Variants in CFAP299 observed in about 807,000 individuals in gnomAD.
CFAP299 encodes the protein cilia and flagella associated protein 299, also known as cilia- and flagella-associated protein 299.
CFAP299 carries 21 observed loss-of-function variants against 27.0 expected under a neutral mutation model. The observed-to-expected ratio is 0.78, with a 90% CI of 0.55 to 1.12. The LOEUF is 1.12. CFAP299 is among the 50% of genes most tolerant of loss of function. CFAP299 has a pLI of 0.00. For synonymous variants in CFAP299, 104 were observed against 98.1 expected, an observed-to-expected ratio of 1.06 and a Z score of -0.36; for missense variants, 310 against 276.6, an observed-to-expected ratio of 1.12 and a Z score of -0.86.
At position 80,756,361 on chromosome 4, in the gene CFAP299, A is replaced by G. The variant is rs531113059; in HGVS notation, c.334-113632A>G. On this transcript the variant is annotated intron_variant, in intron 3 of 5. Coordinates refer to ENST00000358105, the MANE Select transcript of CFAP299 (RefSeq NM_152770.3). ...ATATATTTAAGCAAATTATTTTTCT[A>G]TGACTAGCCACCATCAATGAACTTG... 2.2e-4 allele frequency among the ~76,000 whole-genome samples: 34 copies of G among 152,212 alleles called. 1 individual carries two copies. In the South Asian group the frequency reaches 7.0e-3, roughly 32 times the overall value.
chr4:80,880,628 A>G (rs1733645681), intron 4 of CFAP299, among the ~76,000 whole-genome samples: 1 of 152,148 alleles, frequency 6.6e-6, no homozygotes, highest in Non-Finnish European at 1.5e-5. Context: ...TGGGAGGCTG[A>G]GGCAGGAGAA....
intron 3 of CFAP299, among the ~76,000 whole-genome samples, chr4:80,708,588 AT>A (rs1396973920): frequency 6.6e-6 from 1 of 152,146 alleles, no homozygotes; most frequent in Admixed American, 6.6e-5. Flanking sequence ...TAAAATATTT[AT>A]GAAAAAGTGC....
At chr4:80,661,107 C>A (rs1261463581) in intron 3 of CFAP299, among the ~76,000 whole-genome samples, 1 of 152,058 alleles carries the variant, frequency 6.6e-6, no homozygotes, top group Non-Finnish European at 1.5e-5. Context: ...AGGTGGATCA[C>A]CTGAGGTCAG....
At chr4:80,782,945 A>G (rs1727015019) in intron 3 of CFAP299, among the ~76,000 whole-genome samples, 1 of 151,774 alleles carries the variant, frequency 6.6e-6, no homozygotes, top group Non-Finnish European at 1.5e-5. Flanking sequence ...TACTTTTCAA[A>G]TGGCTTCAGA....
chr4:80,412,273 C>T (rs201962185), intron 2 of CFAP299, among the ~76,000 whole-genome samples: 1 of 146,626 alleles, frequency 6.8e-6, no homozygotes, highest in African/African-American at 2.5e-5. Flanking sequence ...ACATATAGTC[C>T]TTTTTTTTTT....
intron 2 of CFAP299, among the ~76,000 whole-genome samples, chr4:80,509,270 G>A (rs1440852054): frequency 6.6e-6 from 1 of 152,102 alleles, no homozygotes; most frequent in Non-Finnish European, 1.5e-5. Context: ...TTAGCTTACA[G>A]CATGCTAAAA....
At chr4:80,739,503 A>G (rs922968624) in intron 3 of CFAP299, among the ~76,000 whole-genome samples, 2 of 152,012 alleles carry the variant, frequency 1.3e-5, no homozygotes, top group Non-Finnish European at 2.9e-5. Context: ...TAAATATGTC[A>G]TGCCACTTTC....
At chr4:80,867,194 C>G (rs1732794114) in intron 3 of CFAP299, among the ~76,000 whole-genome samples, 2 of 151,962 alleles carry the variant, frequency 1.3e-5, no homozygotes, top group African/African-American at 4.8e-5. Context: ...ATGACATTAA[C>G]CTTGTATCAT....
intron 2 of CFAP299, among the ~76,000 whole-genome samples, chr4:80,518,267 T>C (rs1172041985): frequency 6.6e-6 from 1 of 152,062 alleles, no homozygotes; most frequent in Non-Finnish European, 1.5e-5. Context: ...AAGAGACTCG[T>C]AGATAAACAA....
chr4:80,718,260 A>T (rs1301288458), intron 3 of CFAP299, among the ~76,000 whole-genome samples: 1 of 152,088 alleles, frequency 6.6e-6, no homozygotes, highest in Non-Finnish European at 1.5e-5. Context: ...AGGGAAGGAA[A>T]AGCATGGGAG....
chr4:80,814,021 A>G (rs896477202), intron 3 of CFAP299, among the ~76,000 whole-genome samples: 2 of 152,028 alleles, frequency 1.3e-5, no homozygotes, highest in African/African-American at 4.8e-5. Context: ...ATTATTCTAC[A>G]TCTTCCAACC....
At chr4:80,482,002 A>T (rs1730591842) in intron 2 of CFAP299, among the ~76,000 whole-genome samples, 2 of 152,006 alleles carry the variant, frequency 1.3e-5, no homozygotes, top group African/African-American at 4.8e-5. Flanking sequence ...GGAAATGCAC[A>T]TGATTTCAGT....
intron 2 of CFAP299, among the ~76,000 whole-genome samples, chr4:80,514,435 C>T (rs1495493): frequency 0.23 from 34,986 of 151,806 alleles, 5,529 homozygotes; most frequent in African/African-American, 0.43. Flanking sequence ...GGCCAAAAAA[C>T]GCGTATATCT....
At chr4:80,358,829 G>T (rs2109993719) in intron 1 of CFAP299, among the ~76,000 whole-genome samples, 1 of 152,190 alleles carries the variant, frequency 6.6e-6, no homozygotes, top group Middle Eastern at 3.4e-3. Flanking sequence ...TTCAGAGTTA[G>T]TATTGATATG....
intron 2 of CFAP299, among the ~76,000 whole-genome samples, chr4:80,520,833 T>G (rs1732871325): frequency 6.6e-6 from 1 of 152,234 alleles, no homozygotes; most frequent in South Asian, 2.1e-4. Flanking sequence ...ATATTCTATC[T>G]TATTCCACAA....
chr4:80,565,412 A>G (rs1232098150), intron 2 of CFAP299, among the ~76,000 whole-genome samples: 1 of 152,106 alleles, frequency 6.6e-6, no homozygotes, highest in African/African-American at 2.4e-5. Context: ...TATTAAAAAC[A>G]ATATGAACAG....
chr4:80,646,844 G>T (rs1228263813), intron 3 of CFAP299, among the ~76,000 whole-genome samples: 2 of 152,082 alleles, frequency 1.3e-5, no homozygotes. Flanking sequence ...TGATATAAAT[G>T]CCAAATGGAT....
intron 2 of CFAP299, among the ~76,000 whole-genome samples, chr4:80,496,936 T>C (rs1244236019): frequency 1.3e-5 from 2 of 152,044 alleles, no homozygotes; most frequent in African/African-American, 4.8e-5. Flanking sequence ...TTTTAAATGA[T>C]CATGTCTCAT....
At chr4:80,547,599 T>A (rs1734298584) in intron 2 of CFAP299, among the ~76,000 whole-genome samples, 1 of 152,022 alleles carries the variant, frequency 6.6e-6, no homozygotes, top group Non-Finnish European at 1.5e-5. Flanking sequence ...GCCTACGGAA[T>A]GAGAGAAAGT....
Sources: gnomAD v4.1 joint callset for allele counts (sites outside exome capture counted in the v4.1 genomes callset) on GRCh38, gnomAD v4.1.1 for gene constraint, MANE v1.5 for transcripts, NCBI Gene and HGNC (gene_info 2026-07-23, HGNC 2026-07-21) for gene names.